The following FER variants were observed in gnomAD, a reference collection of about 807,000 sequenced individuals.
The protein encoded by FER is tyrosine-protein kinase Fer.
FER carries 63 observed loss-of-function variants against 111.0 expected under a neutral mutation model. The ratio of observed to expected loss-of-function variants is 0.57; its 90% CI spans 0.46 to 0.70. The LOEUF (loss-of-function observed/expected upper bound fraction) is 0.70. Ranked by LOEUF, FER falls within the 30% of genes least tolerant of loss-of-function variation. FER has a pLI of 0.00. For synonymous variants in FER, 327 were observed against 313.9 expected, an observed-to-expected ratio of 1.04 and a Z score of -0.44; for missense variants, 914 against 954.0, an observed-to-expected ratio of 0.96 and a Z score of 0.55.
intron 13 of FER, among the ~76,000 whole-genome samples, chr5:109,011,401 C>G (rs1401500758): frequency 6.6e-6 from 1 of 152,134 alleles, no homozygotes; most frequent in Non-Finnish European, 1.5e-5. Context: ...AAGGTACTTT[C>G]TGGTTTGTCT....
At chr5:109,041,095 AAATAT>A (rs1409710013) in intron 14 of FER, among the ~76,000 whole-genome samples, 1 of 152,162 alleles carries the variant, frequency 6.6e-6, no homozygotes, top group East Asian at 1.9e-4. Context: ...TGGTCTAAAG[AAATAT>A]AATATGATTA....
chr5:109,100,930 A>C (rs1203405666), intron 17 of FER, among the ~76,000 whole-genome samples: 1 of 151,772 alleles, frequency 6.6e-6, no homozygotes, highest in Non-Finnish European at 1.5e-5. Flanking sequence ...AATTCATAAC[A>C]GTGAATTTGG....
At chr5:108,887,104 T>G (rs1260060732) in intron 9 of FER, among the ~76,000 whole-genome samples, 1 of 151,708 alleles carries the variant, frequency 6.6e-6, no homozygotes, top group East Asian at 1.9e-4. Context: ...TCTCAACACT[T>G]TGTTAGTTTC....
intron 10 of FER, among the ~76,000 whole-genome samples, chr5:108,916,219 C>G (rs566368670): frequency 1.3e-5 from 2 of 152,140 alleles, no homozygotes; most frequent in Non-Finnish European, 2.9e-5. Flanking sequence ...TTAATAAAAT[C>G]TAACATATGG....
intron 9 of FER, among the ~76,000 whole-genome samples, chr5:108,884,198 A>G (rs140922738): frequency 6.6e-6 from 1 of 152,004 alleles, no homozygotes; most frequent in East Asian, 1.9e-4. Context: ...TCTTGCTATT[A>G]TACTCTCACA....
chr5:109,104,926 G>A (rs536511401), intron 17 of FER, among the ~76,000 whole-genome samples: 3 of 151,854 alleles, frequency 2.0e-5, no homozygotes, highest in Non-Finnish European at 2.9e-5. Context: ...TGTGTTTTTA[G>A]TAGAGACAGG....
In FER at chr5:108,822,417, AG is replaced by A. The variant is rs1434002912; in HGVS notation, c.208-10351del. ...ATAGTTCTGTAGGCTGGGAAGTTCA[AG>A]GTCATCACCCTGGCTTCCGGTGAGA... On this transcript the variant is annotated intron_variant, in intron 3 of 19. Transcript: ENST00000281092. 5.3e-5 allele frequency among the ~76,000 whole-genome samples: 8 copies of A among 152,338 alleles called. No homozygotes were observed. In the East Asian group the frequency reaches 1.5e-3, roughly 29 times the overall value.
In FER at chr5:109,013,633, T is replaced by C. The variant is rs1473823017; in HGVS notation, c.1657-23789T>C. ...CTGGGTCAAATGGTATTTCTAGTTC[T>C]AGATCCCTGAGGAATCGCCACACTG... is the stretch of plus-strand genomic sequence containing the variant. On this transcript the variant is annotated intron_variant, in intron 13 of 19. Transcript: ENST00000281092. 5.5e-3 allele frequency among the ~76,000 whole-genome samples: 829 copies of C among 151,460 alleles called. 4 individuals carry two copies. The highest frequency in any genetic ancestry group is 0.019 in the African/African-American group (769 of 41,190).
intron 17 of FER, among the ~76,000 whole-genome samples, chr5:109,122,472 T>C (rs939170522): frequency 6.6e-6 from 1 of 152,124 alleles, no homozygotes; most frequent in Non-Finnish European, 1.5e-5. Context: ...TTTAGACTTA[T>C]TTTGCTTCCT....
rs1353818675 is a variant in FER at position 109,196,707 on chromosome 5, G to A, written c.*9132G>A. 6.6e-6 allele frequency: 1 copy of A among 152,062 alleles called. No homozygotes were observed. The highest frequency in any genetic ancestry group is 6.6e-5 in the Admixed American group (1 of 15,260). 9.4% of individuals were successfully genotyped at this position (152,062 alleles called of 1,614,324 possible). The stretch of plus-strand genomic sequence containing the variant: ...TTTTAATTGTTTCTACATTTTTAAA[G>A]CATGATTCATCATTTTTGTAAACTT... On this transcript the variant is annotated 3_prime_UTR_variant, in exon 20 of 20. Transcript: ENST00000281092.
intron 17 of FER, among the ~76,000 whole-genome samples, chr5:109,117,439 C>G (rs1295716911): frequency 6.6e-6 from 1 of 152,024 alleles, no homozygotes; most frequent in Non-Finnish European, 1.5e-5. Context: ...TTGTGATAAA[C>G]TCATATCATT....
rs560276397 is a variant in FER, at chr5:108,794,415, C to G, written c.-59-3709C>G. On this transcript the variant is annotated intron_variant, in intron 2 of 19. Transcript: ENST00000281092. ...TGTACTTTTAGTAGAGACAGGGTTT[C>G]ACCATGTTGGCCAGGCTGGTCTCAA... 1.2e-3 allele frequency among the ~76,000 whole-genome samples: 187 copies of G among 151,998 alleles called. 1 individual carries two copies. The highest frequency in any genetic ancestry group is 2.0e-3 in the Non-Finnish European group (138 of 67,988).
At chr5:108,980,420 G>A (rs28733366) in intron 13 of FER, among the ~76,000 whole-genome samples, 57,531 of 151,902 alleles carry the variant, frequency 0.38, 11,349 homozygotes, top group African/African-American at 0.47. Context: ...TGAATATTCA[G>A]TATTCATCTA....
intron 2 of FER, among the ~76,000 whole-genome samples, chr5:108,797,379 GTC>G (rs1318947484): frequency 6.6e-6 from 1 of 152,132 alleles, no homozygotes; most frequent in Non-Finnish European, 1.5e-5. Flanking sequence ...CCTCTCTCAT[GTC>G]TCTCTAGGTT....
At chr5:108,966,388 C>CTT (rs34899054) in intron 13 of FER, among the ~76,000 whole-genome samples, 9 of 124,946 alleles carry the variant, frequency 7.2e-5, no homozygotes, top group East Asian at 4.4e-4. Flanking sequence ...TTTTTCTTTT[C>CTT]TTTTTTTTTT....
chr5:108,774,302 T>C (rs1347252715), intron 2 of FER, among the ~76,000 whole-genome samples: 1 of 152,222 alleles, frequency 6.6e-6, no homozygotes, highest in Admixed American at 6.5e-5. Flanking sequence ...CAGTCTATCA[T>C]TGATGGGCAT....
At chr5:109,056,203 A>C (rs1773627489) in intron 16 of FER, among the ~76,000 whole-genome samples, 2 of 152,372 alleles carry the variant, frequency 1.3e-5, no homozygotes, top group Admixed American at 6.5e-5. Flanking sequence ...CATGTACCTC[A>C]GCAATCCCTC....
chr5:109,016,972 C>G (rs1272280545), intron 13 of FER, among the ~76,000 whole-genome samples: 2 of 151,962 alleles, frequency 1.3e-5, no homozygotes, highest in Non-Finnish European at 2.9e-5. Flanking sequence ...TGTGAGGACA[C>G]AGTGGGAAGA....
chr5:108,821,504 C>T (rs1269151051), intron 3 of FER, among the ~76,000 whole-genome samples: 2 of 151,978 alleles, frequency 1.3e-5, no homozygotes, highest in Non-Finnish European at 2.9e-5. Context: ...TTTAATATCC[C>T]AAGGCTGACA....
Sources: gnomAD v4.1 joint callset for allele counts (sites outside exome capture counted in the v4.1 genomes callset) on GRCh38, gnomAD v4.1.1 for gene constraint, MANE v1.5 for transcripts, NCBI Gene and HGNC (gene_info 2026-07-23, HGNC 2026-07-21) for gene names.